CALN1: variants seen among roughly 807,000 people sequenced by gnomAD.
The protein encoded by CALN1 is calcium-binding protein 8.
A neutral mutation model predicts 30.6 loss-of-function variants in CALN1; 17 were observed. That is an observed-to-expected ratio of 0.56 (90% CI 0.38 to 0.83). The LOEUF is 0.83. Ranked by LOEUF, CALN1 falls within the 40% of genes least tolerant of loss-of-function variation. The pLI is 0.00. For synonymous variants in CALN1, 156 were observed against 131.4 expected (o/e 1.19, Z -1.28); for missense variants, 291 against 354.9 (o/e 0.82, Z 1.45).
At chr7:72,352,188 A>G (rs1261351269) in intron 2 of CALN1, among the ~76,000 whole-genome samples, 1 of 152,034 alleles carries the variant, frequency 6.6e-6, no homozygotes, top group Non-Finnish European at 1.5e-5. Flanking sequence ...ACAAACAAAA[A>G]AAACCACTTT....
At chr7:72,164,481 G>C (rs911625868) in intron 3 of CALN1, among the ~76,000 whole-genome samples, 4 of 152,060 alleles carry the variant, frequency 2.6e-5, no homozygotes, top group African/African-American at 9.7e-5. Context: ...AAAACCACTA[G>C]AAGACAGAAA....
chr7:71,806,726 C>T (rs113449248), intron 6 of CALN1, among the ~76,000 whole-genome samples: 12 of 152,126 alleles, frequency 7.9e-5, no homozygotes, highest in Admixed American at 1.3e-4. Context: ...AAGGACCCCC[C>T]CCCAGGGAGC....
intron 3 of CALN1, among the ~76,000 whole-genome samples, chr7:72,243,318 C>T (rs917989761): frequency 6.6e-6 from 1 of 152,204 alleles, no homozygotes. Context: ...GACTTCCTAG[C>T]CCTTTAGAAC....
intron 4 of CALN1, among the ~76,000 whole-genome samples, chr7:72,035,351 G>T (rs1160302779): frequency 1.3e-5 from 2 of 152,088 alleles, no homozygotes; most frequent in Non-Finnish European, 2.9e-5. Flanking sequence ...AGTATCTCAT[G>T]CAAGTAGAAT....
intron 3 of CALN1, among the ~76,000 whole-genome samples, chr7:72,204,023 A>C (rs1791647534): frequency 4.7e-5 from 5 of 106,966 alleles, no homozygotes; most frequent in Admixed American, 4.4e-4. Flanking sequence ...ACAGAGTCTC[A>C]CTCTGTCGCC....
intron 5 of CALN1, among the ~76,000 whole-genome samples, chr7:72,007,046 A>G (rs964801831): frequency 6.6e-6 from 1 of 152,220 alleles, no homozygotes; most frequent in Admixed American, 6.5e-5. Context: ...GAGATGAGAG[A>G]CAGTTCTTCC....
intron 2 of CALN1, among the ~76,000 whole-genome samples, chr7:72,367,750 G>C (rs377143669): frequency 1.3e-5 from 2 of 151,604 alleles, no homozygotes; most frequent in Non-Finnish European, 3.0e-5. Context: ...CAAGGGGATC[G>C]CTTGAGCCCA....
chr7:72,083,106 T>C (rs911378202), intron 4 of CALN1, among the ~76,000 whole-genome samples: 1 of 151,382 alleles, frequency 6.6e-6, no homozygotes, highest in Non-Finnish European at 1.5e-5. Flanking sequence ...GAGACTGAGG[T>C]GGGAGAATCG....
chr7:72,437,143 G>A (rs1416132447), intron 1 of CALN1, among the ~76,000 whole-genome samples: 4 of 152,124 alleles, frequency 2.6e-5, no homozygotes, highest in Non-Finnish European at 1.5e-5. Flanking sequence ...AAATTTTAGA[G>A]ATTAGGAGGG....
intron 5 of CALN1, among the ~76,000 whole-genome samples, chr7:71,975,549 C>A (rs1051566274): frequency 7.2e-5 from 11 of 152,102 alleles, no homozygotes; most frequent in Non-Finnish European, 1.3e-4. Context: ...GCCTCAGCCT[C>A]CACAGTAGCT....
chr7:72,499,849 CT>C, the CALN1 span, among the ~76,000 whole-genome samples: 2 of 33,302 alleles, frequency 6.0e-5, no homozygotes, highest in Non-Finnish European at 1.1e-4. Context: ...TTCTTTCTTT[CT>C]TTCTTTCTTT....
chr7:72,318,026 G>A (rs1800608248), intron 2 of CALN1, among the ~76,000 whole-genome samples: 1 of 152,104 alleles, frequency 6.6e-6, no homozygotes, highest in African/African-American at 2.4e-5. Flanking sequence ...TTCTGATTGA[G>A]CGTCTATGGC....
intron 3 of CALN1, among the ~76,000 whole-genome samples, chr7:72,179,591 T>C (rs547362905): frequency 9.2e-5 from 14 of 151,808 alleles, no homozygotes; most frequent in Admixed American, 5.9e-4. Context: ...TATAAGCACA[T>C]GTGTGTACAT....
intron 3 of CALN1, among the ~76,000 whole-genome samples, chr7:72,217,754 G>C (rs1792939938): frequency 6.6e-6 from 1 of 151,556 alleles, no homozygotes; most frequent in Admixed American, 6.6e-5. Flanking sequence ...TAGGTGGGAG[G>C]ATTGCTTGAG....
intron 5 of CALN1, among the ~76,000 whole-genome samples, chr7:71,926,415 A>G (rs1342502486): frequency 1.3e-5 from 2 of 152,212 alleles, no homozygotes; most frequent in Non-Finnish European, 2.9e-5. Context: ...CTACCCAGTC[A>G]TCGGAACATA....
chr7:72,456,786 C>G, the CALN1 span, among the ~76,000 whole-genome samples: 1 of 151,928 alleles, frequency 6.6e-6, no homozygotes, highest in African/African-American at 2.4e-5. Context: ...GTTGAGATTG[C>G]AGTGAGTCAT....
At chr7:72,416,012 C>T (rs560452860), upstream of CALN1, among the ~76,000 whole-genome samples, 5 of 152,192 alleles carry the variant, frequency 3.3e-5, no homozygotes, top group Non-Finnish European at 5.9e-5. Context: ...TGAAGCTGAT[C>T]ACCAATGCTT....
At chr7:72,268,403 G>C (rs1473986749) in intron 3 of CALN1, among the ~76,000 whole-genome samples, 1 of 152,186 alleles carries the variant, frequency 6.6e-6, no homozygotes, top group Non-Finnish European at 1.5e-5. Context: ...CAGTAACATG[G>C]CTGTAGGCTG....
At chr7:72,359,453 C>A (rs1171313747) in intron 2 of CALN1, among the ~76,000 whole-genome samples, 1 of 152,192 alleles carries the variant, frequency 6.6e-6, no homozygotes, top group Non-Finnish European at 1.5e-5. Flanking sequence ...TGCTAACACA[C>A]TGTACACATT....
Sources: allele counts gnomAD v4.1 joint callset (sites outside exome capture counted in the v4.1 genomes callset), GRCh38; gene constraint gnomAD v4.1.1; transcripts MANE v1.5; gene names NCBI Gene and HGNC (gene_info 2026-07-23, HGNC 2026-07-21).